KDM2B: variants seen among roughly 807,000 people sequenced by gnomAD.
KDM2B encodes lysine-specific demethylase 2B.
In KDM2B, 26 loss-of-function variants were observed where a neutral mutation model predicts 150.0. The observed-to-expected ratio is 0.17, with a 90% CI of 0.13 to 0.24. The LOEUF is 0.24. Ranked by LOEUF, KDM2B falls within the 10% of genes least tolerant of loss-of-function variation. The probability of loss-of-function intolerance (pLI) is 1.00; values close to 1 mark genes in which losing one functional copy is unlikely to be tolerated. For missense variants in KDM2B, 1,265 were observed against 1,816.9 expected (o/e 0.70, Z 5.52); for synonymous variants, 734 against 729.5 (o/e 1.01, Z -0.10).
At chr12:121,558,969 C>G (rs768770618) in intron 4 of KDM2B, among the ~76,000 whole-genome samples, 1 of 152,174 alleles carries the variant, frequency 6.6e-6, no homozygotes, top group African/African-American at 2.4e-5. Context: ...TCTTGGCCTC[C>G]GCTACTTTGC....
chr12:121,467,373 C>G lies in KDM2B; in HGVS notation c.1735-14029G>C, dbSNP rs1183970924. 3.8e-5 allele frequency: 37 copies of G among 980,760 alleles called. No individual in the cohort carries two copies. Among genetic ancestry groups the G allele is most frequent in the Non-Finnish European group, 4.5e-5 (37 of 827,954 alleles). The allele number at this position is 980,760 out of a possible 1,614,324, so 60.8% of individuals were successfully genotyped here. On this transcript the variant is annotated intron_variant, in intron 12 of 22. Transcript: ENST00000377071. The surrounding 1 kb of genome is among the most constrained non-coding windows in gnomAD (Gnocchi z 5.1). Reference sequence around the variant, plus strand: ...AGCCGCGCCGCGCGCCTCGCACGCCCGCGCTGGAGGGGGCGGGGAGGGGCC... The same window carrying G: ...AGCCGCGCCGCGCGCCTCGCACGCCGGCGCTGGAGGGGGCGGGGAGGGGCC...
At chr12:121,416,370 G>T in the KDM2B span, 1 of 1,606,982 alleles carries the variant, frequency 6.2e-7, no homozygotes, top group East Asian at 2.2e-5. Context: ...TCAGTCTTTA[G>T]AAAGAAGGTG....
At chr12:121,550,457 C>CA (rs1555311631) in intron 4 of KDM2B, among the ~76,000 whole-genome samples, 1 of 152,166 alleles carries the variant, frequency 6.6e-6, no homozygotes, top group African/African-American at 2.4e-5. Context: ...GCCCAAGGGC[C>CA]AAATCCAGCC....
At chr12:121,464,368 G>A (rs1555294368) in intron 12 of KDM2B, among the ~76,000 whole-genome samples, 1 of 152,254 alleles carries the variant, frequency 6.6e-6, no homozygotes, top group Non-Finnish European at 1.5e-5. Flanking sequence ...TGTGGGAGAA[G>A]TTCCCGCCAA....
the KDM2B span, among the ~76,000 whole-genome samples, chr12:121,419,542 G>A: frequency 1.3e-5 from 2 of 149,712 alleles, no homozygotes; most frequent in African/African-American, 5.0e-5. Flanking sequence ...GGGTGATGTG[G>A]ATTGTTGGAT....
rs1444969169 is a variant in KDM2B at position 121,485,648 on chromosome 12, A to G, written c.1734+8931T>C. 3.3e-5 allele frequency among the ~76,000 whole-genome samples: 5 copies of G among 152,098 alleles called. No homozygotes were observed. The East Asian group carries it at 7.7e-4, about 23-fold the overall frequency. ...GGAGAACGGGGGGTGAGTGTTAAACAGGGCCAGGGTTCCGGGGCTTCTGTT... is the reference window on the plus strand; with the variant it reads ...GGAGAACGGGGGGTGAGTGTTAAACGGGGCCAGGGTTCCGGGGCTTCTGTT... On this transcript the variant is annotated intron_variant, in intron 12 of 22. Coordinates refer to ENST00000377071, the MANE Select transcript of KDM2B (RefSeq NM_032590.5).
At position 121,521,286 on chromosome 12, in the gene KDM2B, G is replaced by T. The variant is rs1555305921; in HGVS notation, c.932-186C>A. On this transcript the variant is annotated intron_variant, in intron 8 of 22. Transcript: ENST00000377071. The surrounding 1 kb of genome is among the most constrained non-coding windows in gnomAD (Gnocchi z 4.9). ...AACGCCCAGGCCTGAGCCGCCGAGAGGACTCAGACTTGCAGCCTCGAGCAG... is the reference window on the plus strand; with the variant it reads ...AACGCCCAGGCCTGAGCCGCCGAGATGACTCAGACTTGCAGCCTCGAGCAG... Among the ~76,000 whole-genome samples, 1 of 152,192 alleles carries T rather than the reference G, an allele frequency of 6.6e-6. No homozygotes were observed. The highest frequency in any genetic ancestry group is 1.5e-5 in the Non-Finnish European group (1 of 68,034).
At position 121,549,435 on chromosome 12, in the gene KDM2B, G is replaced by A; in HGVS notation, c.576+25C>T. 6.4e-7 allele frequency: 1 copy of A among 1,559,914 alleles called. No homozygotes were observed. The highest frequency in any genetic ancestry group is 8.7e-7 in the Non-Finnish European group (1 of 1,144,942). On this transcript the variant is annotated intron_variant, in intron 5 of 22. Coordinates refer to ENST00000377071, the MANE Select transcript of KDM2B (RefSeq NM_032590.5). This position sits in a 1 kb window ranked among gnomAD's most constrained non-coding sequence, Gnocchi z 4.4. ...GGAGATGAGGTGGAAGGTATCTGGG[G>A]AGGGTACCTGGGCCCCGGACCTACC...
intron 4 of KDM2B, among the ~76,000 whole-genome samples, chr12:121,568,248 T>C (rs555048827): frequency 5.9e-5 from 9 of 152,104 alleles, no homozygotes; most frequent in Non-Finnish European, 1.2e-4. Flanking sequence ...GCAGGAGAAT[T>C]GCTTGGGCTC....
intron 4 of KDM2B, among the ~76,000 whole-genome samples, chr12:121,551,750 G>A (rs568246614): frequency 2.6e-5 from 4 of 151,868 alleles, no homozygotes; most frequent in South Asian, 2.1e-4. Flanking sequence ...ATGGAGTTTC[G>A]CCATATTGGC....
chr12:121,438,949 G>A lies in KDM2B; in HGVS notation c.3829+908C>T, dbSNP rs545597047. Among the ~76,000 whole-genome samples the A allele has an allele frequency of 2.0e-3, 312 of 152,212 alleles. 2 individuals carry two copies. Among genetic ancestry groups the A allele is most frequent in the Non-Finnish European group, 3.5e-3 (237 of 68,012 alleles). On this transcript the variant is annotated intron_variant, in intron 22 of 22. Coordinates refer to ENST00000377071, the MANE Select transcript of KDM2B (RefSeq NM_032590.5). The stretch of plus-strand genomic sequence containing the variant: ...CAGACCAAAATTGGGTTAGTTGGGC[G>A]AAGAGCAGGCAGCATTGCTCTGTGT...
intron 8 of KDM2B, among the ~76,000 whole-genome samples, chr12:121,527,510 C>T (rs1440308214): frequency 6.7e-6 from 1 of 150,146 alleles, no homozygotes; most frequent in African/African-American, 2.4e-5. Context: ...AAAAGTTAGC[C>T]GGGCATGGTG....
intron 3 of KDM2B, 64 bp from the exon 4 acceptor site, chr12:121,574,657 G>A: frequency 1.4e-6 from 2 of 1,479,724 alleles, no homozygotes; most frequent in East Asian, 2.3e-5. Flanking sequence ...GACTACCCTG[G>A]GCCCGGGGGG....
In KDM2B at chr12:121,452,609, G is replaced by A. The variant is rs1877483784; in HGVS notation, c.1959+511C>T. Among the ~76,000 whole-genome samples, 1 of 152,280 alleles carries A rather than the reference G, an allele frequency of 6.6e-6. No homozygotes were observed. The highest frequency in any genetic ancestry group is 1.5e-5 in the Non-Finnish European group (1 of 68,050). On this transcript the variant is annotated intron_variant, in intron 13 of 22. Transcript: ENST00000377071. This position sits in a 1 kb window ranked among gnomAD's most constrained non-coding sequence, Gnocchi z 4.4. ...GACCTCGCCCCGTTGCGAAGTCCAT[G>A]TCCACTGCCCTGTCTGGGGACGAGA... is the stretch of plus-strand genomic sequence containing the variant.
At chr12:121,431,218 G>A (rs1240862722) in intron 22 of KDM2B, among the ~76,000 whole-genome samples, 4 of 149,246 alleles carry the variant, frequency 2.7e-5, no homozygotes, top group Non-Finnish European at 5.9e-5. Context: ...TGCAACCTCC[G>A]CCTCCCAGGT....
At chr12:121,446,494 G>A (rs1476693739) in intron 13 of KDM2B, among the ~76,000 whole-genome samples, 1 of 152,240 alleles carries the variant, frequency 6.6e-6, no homozygotes, top group Non-Finnish European at 1.5e-5. Context: ...CTTTTCATGT[G>A]CTTTGTGACA....
At chr12:121,426,399 C>G (rs1555284240), downstream of KDM2B, among the ~76,000 whole-genome samples, 3 of 151,340 alleles carry the variant, frequency 2.0e-5, no homozygotes, top group Non-Finnish European at 4.4e-5. Context: ...GCAAGCATTT[C>G]CCCCTGGAAT....
At chr12:121,580,558 C>G in intron 1 of KDM2B, 1 of 659,300 alleles carries the variant, frequency 1.5e-6, no homozygotes, top group Non-Finnish European at 2.1e-6. Context: ...GGGCGCATCC[C>G]GGAGATGGCG....
At chr12:121,550,891 T>A (rs1294492011) in intron 4 of KDM2B, among the ~76,000 whole-genome samples, 4 of 152,160 alleles carry the variant, frequency 2.6e-5, no homozygotes, top group Admixed American at 6.5e-5. Context: ...TATTTTGTGA[T>A]ATGAAAACTA....
Sources: allele counts gnomAD v4.1 joint callset (sites outside exome capture counted in the v4.1 genomes callset), GRCh38; gene constraint gnomAD v4.1.1; non-coding constraint Gnocchi (gnomAD v3.1); transcripts MANE v1.5; gene names NCBI Gene and HGNC (gene_info 2026-07-23, HGNC 2026-07-21).